Variants in CYP3A4 observed in about 807,000 individuals in gnomAD.
CYP3A4 encodes the protein cytochrome P450 3A4.
A neutral mutation model predicts 54.9 loss-of-function variants in CYP3A4; 41 were observed. That is an observed-to-expected ratio of 0.75 (90% CI 0.58 to 0.97). CYP3A4 has a LOEUF of 0.97. Ranked by LOEUF, CYP3A4 falls within the 50% of genes least tolerant of loss-of-function variation. The probability of loss-of-function intolerance (pLI) is 0.00; values close to 1 mark genes in which losing one functional copy is unlikely to be tolerated. For synonymous variants in CYP3A4, 179 were observed against 205.2 expected, an observed-to-expected ratio of 0.87 and a Z score of 1.09; for missense variants, 510 against 597.3, an observed-to-expected ratio of 0.85 and a Z score of 1.52.
chr7:99,776,401 T>C (rs1178582657), intron 3 of CYP3A4, among the ~76,000 whole-genome samples: 4 of 152,196 alleles, frequency 2.6e-5, no homozygotes, highest in South Asian at 2.1e-4. Context: ...CATATGTTTA[T>C]TGCAGAACTA....
At chr7:99,765,388 T>C (rs1815448453) in intron 9 of CYP3A4, among the ~76,000 whole-genome samples, 1 of 152,158 alleles carries the variant, frequency 6.6e-6, no homozygotes, top group African/African-American at 2.4e-5. Flanking sequence ...TTGGGATAGA[T>C]AGATGAATAG....
chr7:99,778,202 A>G, intron 2 of CYP3A4, 122 bp from the exon 3 acceptor site: 2 of 705,962 alleles, frequency 2.8e-6, no homozygotes, highest in Non-Finnish European at 2.4e-6. Flanking sequence ...GAGGAAGCTT[A>G]TTTGGAGACG....
intron 12 of CYP3A4, 72 bp downstream of exon 12, chr7:99,760,747 T>C: frequency 6.4e-7 from 1 of 1,552,140 alleles, no homozygotes; most frequent in South Asian, 1.2e-5. Flanking sequence ...AGCATATTCT[T>C]TTTAAAAAAT....
chr7:99,776,877 C>T (rs781532908), intron 3 of CYP3A4, among the ~76,000 whole-genome samples: 57 of 152,070 alleles, frequency 3.7e-4, no homozygotes, highest in Non-Finnish European at 7.2e-4. Flanking sequence ...AATAAAATCA[C>T]AGTCCATCAG....
intron 6 of CYP3A4, 98 bp downstream of exon 6, chr7:99,769,670 G>A (rs1240672780): frequency 4.2e-6 from 6 of 1,441,612 alleles, no homozygotes; most frequent in Non-Finnish European, 5.8e-6. Flanking sequence ...CTTTTGTCTG[G>A]TCACTGGAAT....
chr7:99,761,584 C>T (rs558919375), intron 11 of CYP3A4, among the ~76,000 whole-genome samples: 25 of 152,076 alleles, frequency 1.6e-4, no homozygotes, highest in African/African-American at 4.1e-4. Context: ...GCTACTGTAC[C>T]GATGTAATGC....
intron 3 of CYP3A4, among the ~76,000 whole-genome samples, chr7:99,775,125 C>T (rs958376837): frequency 6.6e-6 from 1 of 152,102 alleles, no homozygotes; most frequent in Non-Finnish European, 1.5e-5. Flanking sequence ...AGGAATCCAG[C>T]TTACAAGGGA....
At chr7:99,777,433 A>G (rs1166254612) in intron 3 of CYP3A4, among the ~76,000 whole-genome samples, 2 of 151,902 alleles carry the variant, frequency 1.3e-5, no homozygotes, top group African/African-American at 4.8e-5. Context: ...AAGTTTTACA[A>G]TAACCAGTGT....
At chr7:99,763,541 A>G (rs530422651) in intron 10 of CYP3A4, among the ~76,000 whole-genome samples, 2 of 152,276 alleles carry the variant, frequency 1.3e-5, no homozygotes, top group East Asian at 3.9e-4. Flanking sequence ...ACCAAAACCA[A>G]TGTGAAATGA....
At chr7:99,767,369 G>T in intron 7 of CYP3A4, 111 bp from the exon 8 acceptor site, 1 of 966,030 alleles carries the variant, frequency 1.0e-6, no homozygotes, top group Non-Finnish European at 1.5e-6. Context: ...AAGACATCAA[G>T]GTTCTCAACT....
intron 8 of CYP3A4, 196 bp downstream of exon 8, chr7:99,766,935 A>T: frequency 1.0e-5 from 5 of 478,620 alleles, no homozygotes; most frequent in Non-Finnish European, 1.8e-5. Flanking sequence ...GCTGTCTCTG[A>T]CTCATTCTCA....
At chr7:99,773,084 A>G (rs1362101577) in intron 3 of CYP3A4, among the ~76,000 whole-genome samples, 2 of 152,192 alleles carry the variant, frequency 1.3e-5, no homozygotes, top group Non-Finnish European at 2.9e-5. Flanking sequence ...AACAAAGATC[A>G]AAAGAGACAA....
At chr7:99,764,501 G>A (rs1394347983) in intron 9 of CYP3A4, among the ~76,000 whole-genome samples, 1 of 152,186 alleles carries the variant, frequency 6.6e-6, no homozygotes, top group African/African-American at 2.4e-5. Context: ...GTTTCCCGAA[G>A]ATATGTTTGA....
At chr7:99,770,352 G>A in intron 4 of CYP3A4, 117 bp from the exon 5 acceptor site, 2 of 821,710 alleles carry the variant, frequency 2.4e-6, no homozygotes, top group Non-Finnish European at 3.7e-6. Flanking sequence ...TGTCTACTGG[G>A]TGATGGGCCC....
At chr7:99,765,347 T>C (rs556062646) in intron 9 of CYP3A4, among the ~76,000 whole-genome samples, 1 of 152,312 alleles carries the variant, frequency 6.6e-6, no homozygotes, top group African/African-American at 2.4e-5. Flanking sequence ...AGTAAAACAA[T>C]AGACTATTTC....
chr7:99,775,498 A>C (rs1815744661), intron 3 of CYP3A4, among the ~76,000 whole-genome samples: 1 of 152,230 alleles, frequency 6.6e-6, no homozygotes, highest in African/African-American at 2.4e-5. Flanking sequence ...ACAGAAATAT[A>C]GATCAATGGA....
chr7:99,758,220 C>A lies in CYP3A4; in HGVS notation c.1425G>T (p.Leu475=). The A allele has an allele frequency of 6.2e-7, 1 of 1,613,760 alleles. No individual in the cohort carries two copies. The highest frequency in any genetic ancestry group is 8.5e-7 in the Non-Finnish European group (1 of 1,179,778). Residue 475 remains leucine (L), a synonymous_variant, in exon 13 of 13, where the codon CTG becomes CTT. Coordinates refer to ENST00000651514, the MANE Select transcript of CYP3A4 (RefSeq NM_017460.6). ...GAAGAAGTCCTCCTAAGCTTAATTT[C>A]AGGGGGATCTGCAACAGTTAAACAA... is the stretch of plus-strand genomic sequence containing the variant. The part of the protein sequence containing the change: ...FKPCKETQIP[L]KLSLGGLLQP...
chr7:99,782,221 A>G (rs1414030062), intron 1 of CYP3A4, among the ~76,000 whole-genome samples: 1 of 152,246 alleles, frequency 6.6e-6, no homozygotes, highest in Non-Finnish European at 1.5e-5. Context: ...ATGTGTCAGC[A>G]GCATTGGTCC....
chr7:99,763,843 C>T lies in CYP3A4; in HGVS notation c.1026+12G>A, dbSNP rs2242480. 247,257 of 1,613,368 alleles carry T rather than the reference C, an allele frequency of 0.15. 39,387 individuals are homozygous for T. Among genetic ancestry groups the T allele is most frequent in the African/African-American group, 0.74 (55,534 of 74,894 alleles). ...CACCTCCTCCCTCCTTCTCCATGTA[C>T]CATCCACTCACCTTATTGGGTAAAA... On this transcript the variant is annotated intron_variant, in intron 10 of 12. Coordinates refer to ENST00000651514, the MANE Select transcript of CYP3A4 (RefSeq NM_017460.6).
Sources: allele counts gnomAD v4.1 joint callset (sites outside exome capture counted in the v4.1 genomes callset), GRCh38; gene constraint gnomAD v4.1.1; transcripts MANE v1.5; gene names NCBI Gene and HGNC (gene_info 2026-07-23, HGNC 2026-07-21).